Variants in CYP2C19 observed in about 807,000 individuals in gnomAD.
CYP2C19 encodes cytochrome P450 2C19.
In CYP2C19, 59 loss-of-function variants were observed where a neutral mutation model predicts 40.9. The observed-to-expected ratio is 1.44, with a 90% CI of 1.17 to 1.79. CYP2C19 has a LOEUF of 1.79. CYP2C19 is among the 40% of genes most tolerant of loss of function. The pLI, the probability that CYP2C19 is intolerant of heterozygous loss-of-function variation, is 0.00. For missense variants in CYP2C19, 754 were observed against 596.9 expected (o/e 1.26, Z -2.74); for synonymous variants, 253 against 208.7 (o/e 1.21, Z -1.83).
chr10:94,853,283 C>T lies in CYP2C19; in HGVS notation c.*369C>T. On this transcript the variant is annotated 3_prime_UTR_variant, in exon 9 of 9. Coordinates refer to ENST00000371321, the MANE Select transcript of CYP2C19 (RefSeq NM_000769.4). The stretch of plus-strand genomic sequence containing the variant: ...TGAGTCAGGTTATTAGACCTTCCTT[C>T]CTTTGTGCATAATGCAGGTGACAAA... 1 of 373,468 alleles carries T rather than the reference C, an allele frequency of 2.7e-6. No individual in the cohort carries two copies. 23.1% of individuals were successfully genotyped at this position (373,468 alleles called of 1,614,324 possible). A position where few individuals can be genotyped will look rare whatever the true frequency, so the allele number is the denominator to read the frequency against.
intron 3 of CYP2C19, among the ~76,000 whole-genome samples, chr10:94,779,325 A>G (rs1848452221): frequency 6.6e-6 from 1 of 152,158 alleles, no homozygotes; most frequent in African/African-American, 2.4e-5. Flanking sequence ...CTTGATTACA[A>G]CAACTTTATT....
intron 5 of CYP2C19, among the ~76,000 whole-genome samples, chr10:94,815,270 C>G (rs1049584206): frequency 3.3e-5 from 5 of 152,064 alleles, no homozygotes; most frequent in African/African-American, 1.2e-4. Flanking sequence ...TTTGTCTACA[C>G]ATGTTGAGAG....
chr10:94,841,068 G>T (rs1849488077), intron 6 of CYP2C19, among the ~76,000 whole-genome samples: 1 of 152,166 alleles, frequency 6.6e-6, no homozygotes, highest in East Asian at 1.9e-4. Flanking sequence ...TTCCAAGATG[G>T]TGGTGGGCCA....
chr10:94,793,915 A>T (rs533387443), intron 5 of CYP2C19, among the ~76,000 whole-genome samples: 27 of 152,234 alleles, frequency 1.8e-4, no homozygotes, highest in African/African-American at 5.5e-4. Context: ...AAGTCTGCAG[A>T]AGTTTCTGCT....
intron 3 of CYP2C19, among the ~76,000 whole-genome samples, chr10:94,778,520 G>A (rs1413909148): frequency 6.6e-6 from 1 of 152,134 alleles, no homozygotes; most frequent in Non-Finnish European, 1.5e-5. Context: ...ATGAAAAAAA[G>A]CTCATCACTG....
intron 6 of CYP2C19, among the ~76,000 whole-genome samples, chr10:94,833,406 T>C (rs1849359098): frequency 6.6e-6 from 1 of 152,034 alleles, no homozygotes; most frequent in Admixed American, 6.6e-5. Context: ...GTCATATAGC[T>C]TTTTTTATGT....
chr10:94,799,117 G>C (rs376787221), intron 5 of CYP2C19, among the ~76,000 whole-genome samples: 2 of 151,916 alleles, frequency 1.3e-5, no homozygotes, highest in East Asian at 3.9e-4. Context: ...TTACAATTTA[G>C]CATGTTTTTG....
At chr10:94,847,694 A>G (rs1849594039) in intron 7 of CYP2C19, among the ~76,000 whole-genome samples, 1 of 152,168 alleles carries the variant, frequency 6.6e-6, no homozygotes, top group African/African-American at 2.4e-5. Flanking sequence ...AGTCCCACCA[A>G]CAGTGTAAAA....
chr10:94,798,481 G>A (rs1848720002), intron 5 of CYP2C19, among the ~76,000 whole-genome samples: 2 of 152,090 alleles, frequency 1.3e-5, no homozygotes, highest in Non-Finnish European at 2.9e-5. Flanking sequence ...ATTTGGGGTG[G>A]CGAGTTCTGT....
At chr10:94,763,302 T>G (rs184322808) in intron 1 of CYP2C19, among the ~76,000 whole-genome samples, 1 of 152,256 alleles carries the variant, frequency 6.6e-6, no homozygotes, top group African/African-American at 2.4e-5. Flanking sequence ...TTTATGCCTG[T>G]TGTAAAGGAA....
intron 5 of CYP2C19, among the ~76,000 whole-genome samples, chr10:94,816,868 G>A (rs886679269): frequency 4.0e-5 from 6 of 148,560 alleles, no homozygotes; most frequent in African/African-American, 1.5e-4. Flanking sequence ...TGAGAATGAT[G>A]ATTTCCAATT....
chr10:94,805,443 C>T (rs528642145), intron 5 of CYP2C19, among the ~76,000 whole-genome samples: 1 of 152,124 alleles, frequency 6.6e-6, no homozygotes, highest in East Asian at 1.9e-4. Context: ...AATGTTGTGG[C>T]AAAATACACA....
At chr10:94,767,686 G>T (rs1848266570) in intron 1 of CYP2C19, among the ~76,000 whole-genome samples, 1 of 152,142 alleles carries the variant, frequency 6.6e-6, no homozygotes, top group South Asian at 2.1e-4. Flanking sequence ...ATAGGGATTT[G>T]GCCATTTGAT....
intron 3 of CYP2C19, among the ~76,000 whole-genome samples, chr10:94,778,488 C>T (rs1233318272): frequency 1.3e-5 from 2 of 152,104 alleles, no homozygotes; most frequent in African/African-American, 4.8e-5. Context: ...CAAAAGAAGA[C>T]ATTTATGTGG....
chr10:94,790,070 A>T (rs944587426), intron 5 of CYP2C19, among the ~76,000 whole-genome samples: 5 of 152,052 alleles, frequency 3.3e-5, no homozygotes, highest in African/African-American at 4.8e-5. Flanking sequence ...ATCCTTTGTA[A>T]TTTGGATTCC....
At chr10:94,772,837 A>G (rs1189689189) in intron 1 of CYP2C19, among the ~76,000 whole-genome samples, 2 of 152,282 alleles carry the variant, frequency 1.3e-5, no homozygotes, top group East Asian at 3.9e-4. Flanking sequence ...TGCGGACTGC[A>G]GTGGCGCAAC....
chr10:94,850,092 G>A (rs775122281), intron 8 of CYP2C19, 34 bp downstream of exon 8: 14 of 1,611,806 alleles, frequency 8.7e-6, no homozygotes, highest in South Asian at 7.7e-5. Context: ...GTGTTTCAGG[G>A]TACAAGATAA....
intron 5 of CYP2C19, among the ~76,000 whole-genome samples, chr10:94,790,867 A>T (rs967649966): frequency 6.6e-6 from 1 of 152,132 alleles, no homozygotes; most frequent in African/African-American, 2.4e-5. Context: ...TGGTATCAGT[A>T]TGATACTGGC....
At chr10:94,850,138 C>T in intron 8 of CYP2C19, 80 bp downstream of exon 8, 2 of 1,493,762 alleles carry the variant, frequency 1.3e-6, no homozygotes, top group South Asian at 2.3e-5. Context: ...TGTGCCTTCT[C>T]TGCAGTGGTA....
Sources: allele counts gnomAD v4.1 joint callset (sites outside exome capture counted in the v4.1 genomes callset), GRCh38; gene constraint gnomAD v4.1.1; transcripts MANE v1.5; gene names NCBI Gene and HGNC (gene_info 2026-07-23, HGNC 2026-07-21).